Variants in APOOL observed in about 807,000 individuals in gnomAD.
APOOL encodes the protein MICOS complex subunit MIC27.
APOOL carries 12 observed loss-of-function variants against 23.1 expected under a neutral mutation model. That is an observed-to-expected ratio of 0.52 (90% CI 0.33 to 0.84). APOOL has a LOEUF of 0.84. Ranked by LOEUF, APOOL falls within the 40% of genes least tolerant of loss-of-function variation. APOOL has a pLI of 0.02. For missense variants in APOOL, 212 were observed against 199.6 expected (o/e 1.06, Z -0.37); for synonymous variants, 77 against 69.9 (o/e 1.10, Z -0.51).
At chrX:85,065,976 C>T (rs7050430) in intron 5 of APOOL, among the ~76,000 whole-genome samples, 3,009 of 111,120 alleles carry the variant, frequency 0.027, 99 homozygotes, top group African/African-American at 0.093. Context: ...ACCCACCACC[C>T]GCCACCTCAG....
intron 1 of APOOL, among the ~76,000 whole-genome samples, chrX:85,026,211 C>T (rs1921838370): frequency 8.8e-6 from 1 of 113,452 alleles, no homozygotes; most frequent in Admixed American, 9.2e-5. Flanking sequence ...TGAACTCAAC[C>T]AGGGCCCCTT....
chrX:85,009,399 G>A (rs1197648528), intron 1 of APOOL, among the ~76,000 whole-genome samples: 1 of 111,624 alleles, frequency 9.0e-6, no homozygotes, highest in East Asian at 2.8e-4. Flanking sequence ...CTTTTATTAT[G>A]TTGAGGTACA....
At chrX:85,011,887 A>T (rs1923571202) in intron 1 of APOOL, among the ~76,000 whole-genome samples, 1 of 111,367 alleles carries the variant, frequency 9.0e-6, no homozygotes, top group Admixed American at 9.5e-5. Context: ...GAGAATGATG[A>T]TGATATTTTG....
intron 1 of APOOL, among the ~76,000 whole-genome samples, chrX:85,013,794 C>T (rs1313392751): frequency 9.0e-6 from 1 of 111,538 alleles, no homozygotes; most frequent in Non-Finnish European, 1.9e-5. Context: ...GTATATTCTG[C>T]AGTTTTGGGG....
intron 8 of APOOL, among the ~76,000 whole-genome samples, chrX:85,086,942 G>A (rs928088905): frequency 2.8e-4 from 31 of 109,813 alleles, no homozygotes; most frequent in African/African-American, 1.0e-3. Flanking sequence ...CTCGTGATCC[G>A]CCCGTCTCGG....
At chrX:85,007,539 G>C (rs1263321879) in intron 1 of APOOL, among the ~76,000 whole-genome samples, 1 of 111,563 alleles carries the variant, frequency 9.0e-6, no homozygotes, top group Non-Finnish European at 1.9e-5. Flanking sequence ...AAGGTGAAAC[G>C]ATTTCTAATA....
At chrX:85,030,505 T>C (rs1003982520) in intron 1 of APOOL, among the ~76,000 whole-genome samples, 1 of 111,455 alleles carries the variant, frequency 9.0e-6, no homozygotes, top group African/African-American at 3.3e-5. Context: ...AGCTATTGAA[T>C]TAAAAATAAA....
At chrX:85,087,284 G>A (rs1924342885) in intron 8 of APOOL, among the ~76,000 whole-genome samples, 1 of 110,803 alleles carries the variant, frequency 9.0e-6, no homozygotes, top group African/African-American at 3.3e-5. Flanking sequence ...TATCTATAGG[G>A]TGCACACCCT....
intron 2 of APOOL, among the ~76,000 whole-genome samples, chrX:85,048,957 C>T (rs1487890933): frequency 9.0e-6 from 1 of 110,895 alleles, no homozygotes; most frequent in African/African-American, 3.3e-5. Context: ...AGTAAAATGA[C>T]TGGCAATTGG....
chrX:85,083,317 G>T (rs192519297), intron 8 of APOOL, among the ~76,000 whole-genome samples: 1 of 111,135 alleles, frequency 9.0e-6, no homozygotes, highest in African/African-American at 3.3e-5. Flanking sequence ...AACTGAAAAG[G>T]ACTTTACAAT....
chrX:85,087,017 CAT>C (rs1345401697), intron 8 of APOOL, among the ~76,000 whole-genome samples: 1 of 111,367 alleles, frequency 9.0e-6, no homozygotes, highest in Non-Finnish European at 1.9e-5. Flanking sequence ...TTTTTAAAAA[CAT>C]AGCATCATTC....
chrX:85,040,268 T>G lies in APOOL; in HGVS notation c.16-6178T>G, dbSNP rs768269680. ...TATAGCATTTCTGCTGGAAGGCCAC[T>G]CTTAGCCTGATGGAACTCCCTTTAC... On this transcript the variant is annotated intron_variant, in intron 1 of 8. Transcript: ENST00000373173. Among the ~76,000 whole-genome samples, 45 of 112,245 alleles carry G rather than the reference T, an allele frequency of 4.0e-4. 1 individual carries two copies. Among genetic ancestry groups the G allele is most frequent in the Admixed American group, 1.3e-3 (14 of 10,595 alleles).
In APOOL at chrX:85,064,133, T is replaced by C. The variant is rs142488607; in HGVS notation, c.395-2994T>C. On this transcript the variant is annotated intron_variant, in intron 5 of 8. Coordinates refer to ENST00000373173, the MANE Select transcript of APOOL (RefSeq NM_198450.6). ...GTGTATGTGTCCAGAAATTTATTCA[T>C]TTTTAGATTCTATAGTATATTTGCA... Among the ~76,000 whole-genome samples, 478 of 111,013 alleles carry C rather than the reference T, an allele frequency of 4.3e-3. 3 individuals are homozygous for C. The highest frequency in any genetic ancestry group is 0.015 in the African/African-American group (457 of 30,656).
intron 8 of APOOL, among the ~76,000 whole-genome samples, chrX:85,080,215 C>G (rs1324273529): frequency 8.9e-6 from 1 of 111,886 alleles, no homozygotes; most frequent in Non-Finnish European, 1.9e-5. Context: ...CCTGCTTTCT[C>G]TTGTGGGCAT....
At chrX:85,070,151 TA>T (rs57683791) in intron 6 of APOOL, among the ~76,000 whole-genome samples, 1 of 111,439 alleles carries the variant, frequency 9.0e-6, no homozygotes, top group African/African-American at 3.3e-5. Flanking sequence ...TATAATAAAT[TA>T]AAAAAACATT....
At chrX:85,030,067 G>T (rs965169724) in intron 1 of APOOL, among the ~76,000 whole-genome samples, 1 of 112,181 alleles carries the variant, frequency 8.9e-6, no homozygotes, top group Non-Finnish European at 1.9e-5. Flanking sequence ...CATGTTTATA[G>T]CAGCACAACT....
At chrX:85,008,535 TTGTG>T (rs57105866) in intron 1 of APOOL, among the ~76,000 whole-genome samples, 1,016 of 86,108 alleles carry the variant, frequency 0.012, 5 homozygotes, top group Non-Finnish European at 0.014. Context: ...TGATAACCCG[TTGTG>T]TGTGTGTGTG....
At chrX:85,036,634 A>G (rs1326979437) in intron 1 of APOOL, among the ~76,000 whole-genome samples, 1 of 111,549 alleles carries the variant, frequency 9.0e-6, no homozygotes, top group Non-Finnish European at 1.9e-5. Context: ...ATTTTGAGGT[A>G]TGTTCCTTTG....
At chrX:85,061,106 G>C (rs1185460890) in intron 5 of APOOL, among the ~76,000 whole-genome samples, 2 of 111,178 alleles carry the variant, frequency 1.8e-5, no homozygotes, top group Non-Finnish European at 3.8e-5. Flanking sequence ...GTTGAATTTT[G>C]TCAAAGGCCT....
Sources: gnomAD v4.1 joint callset for allele counts (sites outside exome capture counted in the v4.1 genomes callset) on GRCh38, gnomAD v4.1.1 for gene constraint, MANE v1.5 for transcripts, NCBI Gene and HGNC (gene_info 2026-07-23, HGNC 2026-07-21) for gene names.